Variants in ZMAT4 observed in about 807,000 individuals in gnomAD.
ZMAT4 encodes zinc finger matrin-type 4.
In ZMAT4, 17 loss-of-function variants were observed where a neutral mutation model predicts 28.7. That is an observed-to-expected ratio of 0.59 (90% CI 0.41 to 0.89). ZMAT4 has a LOEUF of 0.89. Ranked by LOEUF, ZMAT4 falls within the 40% of genes least tolerant of loss-of-function variation. ZMAT4 has a pLI of 0.00. For synonymous variants in ZMAT4, 117 were observed against 109.2 expected (o/e 1.07, Z -0.44); for missense variants, 240 against 283.8 (o/e 0.85, Z 1.11).
chr8:40,727,222 A>G (rs975682133), intron 3 of ZMAT4, among the ~76,000 whole-genome samples: 11 of 152,154 alleles, frequency 7.2e-5, no homozygotes, highest in African/African-American at 2.4e-4. Flanking sequence ...CTAACTCTCC[A>G]TATAGTCCTG....
At chr8:40,782,683 A>T (rs1813889051) in intron 2 of ZMAT4, among the ~76,000 whole-genome samples, 1 of 152,192 alleles carries the variant, frequency 6.6e-6, no homozygotes, top group Admixed American at 6.5e-5. Flanking sequence ...ACTGGACTTG[A>T]TTCCAAATAC....
chr8:40,706,588 C>T (rs958928185), intron 3 of ZMAT4, among the ~76,000 whole-genome samples: 1 of 152,168 alleles, frequency 6.6e-6, no homozygotes, highest in Non-Finnish European at 1.5e-5. Flanking sequence ...GTCAAAAACT[C>T]TCAACCACAC....
intron 2 of ZMAT4, among the ~76,000 whole-genome samples, chr8:40,807,913 C>A (rs1403299783): frequency 6.6e-6 from 1 of 152,152 alleles, no homozygotes; most frequent in Non-Finnish European, 1.5e-5. Flanking sequence ...TTTTTCAGTG[C>A]CTTCAGCAAA....
At chr8:40,743,011 A>C (rs913118292) in intron 3 of ZMAT4, among the ~76,000 whole-genome samples, 2 of 152,266 alleles carry the variant, frequency 1.3e-5, no homozygotes, top group African/African-American at 4.8e-5. Context: ...CAGGAGTTCA[A>C]GACCAGCCTG....
intron 2 of ZMAT4, among the ~76,000 whole-genome samples, chr8:40,771,804 G>A (rs1813400637): frequency 6.6e-6 from 1 of 152,186 alleles, no homozygotes; most frequent in Non-Finnish European, 1.5e-5. Context: ...ACACTGTGAA[G>A]GACTGGAGGA....
chr8:40,854,941 A>C (rs1817243448), intron 1 of ZMAT4, among the ~76,000 whole-genome samples: 1 of 152,184 alleles, frequency 6.6e-6, no homozygotes, highest in Non-Finnish European at 1.5e-5. Flanking sequence ...ACACACACAC[A>C]CACACGCAGA....
rs568704241 is a variant in ZMAT4, at chr8:40,552,864, C to T, written c.675-20626G>A. Among the ~76,000 whole-genome samples the T allele has an allele frequency of 3.9e-5, 6 of 152,248 alleles. No homozygotes were observed. The East Asian group carries it at 5.8e-4, about 15-fold the overall frequency. On this transcript the variant is annotated intron_variant, in intron 6 of 6. Coordinates refer to ENST00000297737, the MANE Select transcript of ZMAT4 (RefSeq NM_024645.3). ...GGAGCCTAATCTTCACCCCACCTCCCGTCGCTGTGGCTGAACTTAACTTGC... is the reference window on the plus strand; with the variant it reads ...GGAGCCTAATCTTCACCCCACCTCCTGTCGCTGTGGCTGAACTTAACTTGC...
intron 2 of ZMAT4, among the ~76,000 whole-genome samples, chr8:40,804,795 C>T (rs1201968772): frequency 3.9e-5 from 6 of 152,004 alleles, no homozygotes; most frequent in East Asian, 1.9e-4. Flanking sequence ...GAGCCGAGAT[C>T]GGGCCATTGC....
intron 1 of ZMAT4, among the ~76,000 whole-genome samples, chr8:40,887,219 G>A (rs897266852): frequency 2.0e-5 from 3 of 147,478 alleles, no homozygotes; most frequent in Admixed American, 6.9e-5. Flanking sequence ...GGTGGCTCAC[G>A]CCTGTAATCC....
intron 6 of ZMAT4, among the ~76,000 whole-genome samples, chr8:40,575,545 A>G (rs1244474253): frequency 6.6e-6 from 1 of 151,866 alleles, no homozygotes; most frequent in Non-Finnish European, 1.5e-5. Flanking sequence ...CATTTACAAC[A>G]TCACTACTGT....
chr8:40,770,095 C>G (rs965722638), intron 2 of ZMAT4, among the ~76,000 whole-genome samples: 2 of 152,102 alleles, frequency 1.3e-5, no homozygotes, highest in African/African-American at 4.8e-5. Flanking sequence ...CTAGGGTTTC[C>G]GGTGAGGAAA....
At chr8:40,891,872 G>A (rs1401468006) in intron 1 of ZMAT4, among the ~76,000 whole-genome samples, 1 of 152,116 alleles carries the variant, frequency 6.6e-6, no homozygotes, top group Non-Finnish European at 1.5e-5. Context: ...TTCTTCTCAG[G>A]GCTACACACA....
At chr8:40,781,246 T>G (rs1042875258) in intron 2 of ZMAT4, among the ~76,000 whole-genome samples, 1 of 152,002 alleles carries the variant, frequency 6.6e-6, no homozygotes, top group African/African-American at 2.4e-5. Flanking sequence ...AATCTAAAAA[T>G]GAAATTAAAC....
intron 3 of ZMAT4, among the ~76,000 whole-genome samples, chr8:40,722,125 A>G (rs901727657): frequency 6.6e-6 from 1 of 152,040 alleles, no homozygotes; most frequent in African/African-American, 2.4e-5. Context: ...CAAGGACTTC[A>G]TGTCTAAAAC....
At chr8:40,885,707 C>G (rs182292317) in intron 1 of ZMAT4, among the ~76,000 whole-genome samples, 1 of 152,188 alleles carries the variant, frequency 6.6e-6, no homozygotes, top group South Asian at 2.1e-4. Context: ...AGGAAGCACA[C>G]CCTGTCCTCG....
In ZMAT4 at chr8:40,629,661, G is replaced by GT. The variant is rs1806503862; in HGVS notation, c.577+45042dup. Among the ~76,000 whole-genome samples, 5 of 150,714 alleles carry GT rather than the reference G, an allele frequency of 3.3e-5. No individual in the cohort carries two copies. The South Asian group carries it at 1.1e-3, about 32-fold the overall frequency. On this transcript the variant is annotated intron_variant, in intron 5 of 6. Transcript: ENST00000297737. ...TATGAGTGAGAACATGCGGTGTTTG[G>GT]TTTTTTGTCCTTGAGATAGTTTGCT...
intron 2 of ZMAT4, among the ~76,000 whole-genome samples, chr8:40,780,385 T>A (rs1813780349): frequency 6.6e-6 from 1 of 152,184 alleles, no homozygotes; most frequent in South Asian, 2.1e-4. Flanking sequence ...AGAAGGTGTA[T>A]CGTTTTCTCA....
rs753809814 is a variant in ZMAT4, at chr8:40,674,708, C to T, written c.573G>A (p.Leu191=). The change falls in exon 5 of 7, where the codon CTG becomes CTA. Residue 191 remains leucine (L), a synonymous_variant. Coordinates refer to ENST00000297737, the MANE Select transcript of ZMAT4 (RefSeq NM_024645.3). ...QLGTTLDMGE[L]RGLRRNYRCT... ...AGTGAGAAGAGCTGCCCTTACCTCT[C>T]AGTTCCCCCATATCCAGGGTTGTCC... 1.2e-5 allele frequency: 19 copies of T among 1,613,746 alleles called. No homozygotes were observed. The highest frequency in any genetic ancestry group is 8.8e-5 in the South Asian group (8 of 91,060).
At chr8:40,735,678 G>C (rs1811733956) in intron 3 of ZMAT4, among the ~76,000 whole-genome samples, 1 of 152,132 alleles carries the variant, frequency 6.6e-6, no homozygotes, top group East Asian at 1.9e-4. Flanking sequence ...CCTATAGCTG[G>C]CAATCACAAT....
Sources: gnomAD v4.1 joint callset for allele counts (sites outside exome capture counted in the v4.1 genomes callset) on GRCh38, gnomAD v4.1.1 for gene constraint, MANE v1.5 for transcripts, NCBI Gene and HGNC (gene_info 2026-07-23, HGNC 2026-07-21) for gene names.